Variants in ZNF311 observed in about 807,000 individuals in gnomAD.
ZNF311 encodes the protein zinc finger protein 311.
A neutral mutation model predicts 22.7 loss-of-function variants in ZNF311; 14 were observed. That is an observed-to-expected ratio of 0.62 (90% CI 0.41 to 0.96). The LOEUF (loss-of-function observed/expected upper bound fraction) is 0.96. Ranked by LOEUF, ZNF311 falls within the 40% of genes least tolerant of loss-of-function variation. The pLI, the probability that ZNF311 is intolerant of heterozygous loss-of-function variation, is 0.00. For missense variants in ZNF311, 731 were observed against 799.0 expected (o/e 0.91, Z 1.03); for synonymous variants, 250 against 275.3 (o/e 0.91, Z 0.91).
At chr6:29,003,764 G>T in intron 2 of ZNF311, 170 bp from the exon 3 acceptor site, 2 of 1,428,192 alleles carry the variant, frequency 1.4e-6, no homozygotes, top group Non-Finnish European at 1.9e-6. Context: ...ACTAGAAATG[G>T]CATCTACAAC....
chr6:29,001,623 G>C (rs987950448), intron 3 of ZNF311, among the ~76,000 whole-genome samples: 2 of 151,998 alleles, frequency 1.3e-5, no homozygotes, highest in Non-Finnish European at 2.9e-5. Flanking sequence ...CTCTCAATTG[G>C]ATGTTTTCAA....
chr6:28,999,484 T>C lies in ZNF311; in HGVS notation c.310+3A>G, dbSNP rs1164687749. Reference sequence around the variant, plus strand: ...AAGCATTAAGTGTAGGGAAGGTCCTTACCAAGTGATACCATGTTCCCATAA... The same window carrying C: ...AAGCATTAAGTGTAGGGAAGGTCCTCACCAAGTGATACCATGTTCCCATAA... On this transcript the variant is annotated splice_donor_region_variant and intron_variant, in intron 5 of 6. Coordinates refer to ENST00000377179, the MANE Select transcript of ZNF311 (RefSeq NM_001382360.1). 2 of 1,609,134 alleles carry C rather than the reference T, an allele frequency of 1.2e-6. No homozygotes were observed. Among genetic ancestry groups the C allele is most frequent in the South Asian group, 1.1e-5 (1 of 89,724 alleles).
intron 6 of ZNF311, among the ~76,000 whole-genome samples, chr6:28,997,194 G>A (rs1190927467): frequency 1.3e-5 from 2 of 152,204 alleles, no homozygotes; most frequent in Non-Finnish European, 2.9e-5. Flanking sequence ...AGAACTAGTG[G>A]TGGTGGGATG....
chr6:28,998,603 C>A, intron 6 of ZNF311, 131 bp downstream of exon 6: 1 of 618,236 alleles, frequency 1.6e-6, no homozygotes, highest in South Asian at 2.5e-5. Context: ...TTTCAATTTT[C>A]TTTTCCTTAA....
At chr6:29,000,580 A>T (rs559786609) in intron 3 of ZNF311, among the ~76,000 whole-genome samples, 5 of 152,228 alleles carry the variant, frequency 3.3e-5, no homozygotes, top group East Asian at 1.9e-4. Flanking sequence ...TTAGTTACAA[A>T]TTTTTTTCCT....
In ZNF311 at chr6:28,996,496, T is replaced by C. The variant is rs1410755817; in HGVS notation, c.506A>G (p.Asn169Ser). The C allele has an allele frequency of 1.2e-6, 2 of 1,607,680 alleles. No homozygotes were observed. The highest frequency in any genetic ancestry group is 1.7e-5 in the Admixed American group (1 of 60,012). The change falls in exon 7 of 7, where the codon AAC becomes AGC. Residue 169 changes from asparagine (N) to serine (S), a missense_variant. Coordinates refer to ENST00000377179, the MANE Select transcript of ZNF311 (RefSeq NM_001382360.1). Reference protein sequence around the residue: ...ENGEAYWMKFNSLLKVDSRDP... With the variant: ...ENGEAYWMKFSSLLKVDSRDP... ...CCGGGAATCAACTTTTAGGAGACTGTTAAATTTCATCCAGTAGGCTTCTCC... is the reference window on the plus strand; with the variant it reads ...CCGGGAATCAACTTTTAGGAGACTGCTAAATTTCATCCAGTAGGCTTCTCC...
intron 6 of ZNF311, 82 bp downstream of exon 6, chr6:28,998,652 G>T: frequency 9.3e-6 from 9 of 964,588 alleles, no homozygotes; most frequent in African/African-American, 1.7e-5. Context: ...CCTTCGACTG[G>T]ATGATCCACC....
chr6:29,003,975 A>G lies in ZNF311; in HGVS notation c.-21T>C. On this transcript the variant is annotated 5_prime_UTR_variant, in exon 2 of 7. Transcript: ENST00000377179. ...TGCATCTTTTTACTCAGGTTTCTTT[A>G]ACAGTCTTCCACTGCTGTCCTGGTT... is the stretch of plus-strand genomic sequence containing the variant. 2 of 1,612,798 alleles carry G rather than the reference A, an allele frequency of 1.2e-6. No homozygotes were observed. The highest frequency in any genetic ancestry group is 2.2e-5 in the South Asian group (2 of 91,074).
Position 28,995,649 on chromosome 6 carries a change from G to A in ZNF311, c.1353C>T (p.Asp451=). ...TGGTGAGTTCTGCCTTGATGCTGAA[G>A]TCTTTTCCACACTGGGGACACCCAT... ...KHYGCPQCGK[D]FSIKAELTKH... The change falls in exon 7 of 7, where the codon GAC becomes GAT. Residue 451 remains aspartate (D), a synonymous_variant. Transcript: ENST00000377179. The surrounding 1 kb of genome is among the most constrained non-coding windows in gnomAD (Gnocchi z 4.7). 6.2e-7 allele frequency: 1 copy of A among 1,613,474 alleles called. No individual in the cohort carries two copies. Among genetic ancestry groups the A allele is most frequent in the South Asian group, 1.1e-5 (1 of 91,084 alleles).
At position 28,996,357 on chromosome 6, in the gene ZNF311, G is replaced by A. The variant is rs1214734555; in HGVS notation, c.645C>T (p.Cys215=). The part of the protein sequence containing the change: ...EEKEGSEEVT[C]KKGKNQKVLS... ...GCACTTTCTGGTTCTTTCCTTTTTTGCAGGTCACTTCCTCAGAGCCTTCTT... is the reference window on the plus strand; with the variant it reads ...GCACTTTCTGGTTCTTTCCTTTTTTACAGGTCACTTCCTCAGAGCCTTCTT... The change falls in exon 7 of 7, where the codon TGC becomes TGT. Residue 215 remains cysteine, a synonymous_variant. Transcript: ENST00000377179. 6.2e-7 allele frequency: 1 copy of A among 1,611,726 alleles called. No homozygotes were observed. Among genetic ancestry groups the A allele is most frequent in the Non-Finnish European group, 8.5e-7 (1 of 1,179,880 alleles).
rs776963912 is a variant in ZNF311 at position 28,994,793 on chromosome 6, A to G, written c.*208T>C. The G allele has an allele frequency of 1.4e-5, 8 of 589,934 alleles. No homozygotes were observed. Among genetic ancestry groups the G allele is most frequent in the South Asian group, 2.8e-5 (1 of 35,466 alleles). The allele number at this position is 589,934 out of a possible 1,614,324, so 36.5% of individuals were successfully genotyped here. ...AGTGCCTAGAACACAGCAAGCACTA[A>G]TAAGTGTTTATTAATATTAGGAAGT... On this transcript the variant is annotated 3_prime_UTR_variant, in exon 7 of 7. Transcript: ENST00000377179.
intron 3 of ZNF311, among the ~76,000 whole-genome samples, chr6:29,000,355 G>A (rs9257452): frequency 0.097 from 14,811 of 152,152 alleles, 775 homozygotes; most frequent in South Asian, 0.15. Flanking sequence ...TGGTAAAAAG[G>A]CCCAAATCAC....
In ZNF311 at chr6:28,999,479, G is replaced by T; in HGVS notation, c.310+8C>A. The T allele has an allele frequency of 6.2e-7, 1 of 1,607,390 alleles. No individual in the cohort carries two copies. Among genetic ancestry groups the T allele is most frequent in the Non-Finnish European group, 8.5e-7 (1 of 1,177,876 alleles). On this transcript the variant is annotated splice_region_variant and intron_variant, in intron 5 of 6. Transcript: ENST00000377179. ...GTAGAAAGCATTAAGTGTAGGGAAG[G>T]TCCTTACCAAGTGATACCATGTTCC... is the stretch of plus-strand genomic sequence containing the variant.
chr6:29,005,565 G>C (rs1781085802), upstream of ZNF311, among the ~76,000 whole-genome samples: 1 of 152,056 alleles, frequency 6.6e-6, no homozygotes, highest in Admixed American at 6.5e-5. Flanking sequence ...CCAAGGCACA[G>C]ACCTTCCCGC....
rs371656599 is a variant in ZNF311, at chr6:28,999,549, T to C, written c.248A>G (p.Tyr83Cys). 4 of 1,613,718 alleles carry C rather than the reference T, an allele frequency of 2.5e-6. No homozygotes were observed. The highest frequency in any genetic ancestry group is 4.5e-5 in the East Asian group (2 of 44,884). Residue 83 changes from tyrosine to cysteine, a missense_variant, in exon 5 of 7, where the codon TAC becomes TGC. Physicochemically the swap from Tyr to Cys is radical, Grantham distance 194 (BLOSUM62 -2). Coordinates refer to ENST00000377179, the MANE Select transcript of ZNF311 (RefSeq NM_001382360.1). ...ATCCTTATAGAGATGCCTTTGAGCG[T>C]AGGTCAGACACTGCCACTCCCTGTT... The part of the protein sequence containing the change: ...FTNREWQCLT[Y>C]AQRHLYKDVM...
At chr6:29,000,127 A>G in intron 3 of ZNF311, 80 bp from the exon 4 acceptor site, 2 of 1,340,282 alleles carry the variant, frequency 1.5e-6, no homozygotes, top group Non-Finnish European at 2.1e-6. Flanking sequence ...TCTTCCTCAA[A>G]TGTAGAAGCT....
rs768221808 is a variant in ZNF311, at chr6:28,995,680, T to C, written c.1322A>G (p.Lys441Arg). ...TCCACACTGGGGACACCCATAGTGT[T>C]TCTCCCGAGTATGGATTCGTTTGTG... ...SKHKRIHTRE[K>R]HYGCPQCGKD... is the part of the protein sequence containing the mutation. The change falls in exon 7 of 7, where the codon AAA becomes AGA. Residue 441 changes from lysine (K) to arginine (R), a missense_variant. Lys to Arg is a conservative substitution (Grantham distance 26). Transcript: ENST00000377179. This position sits in a 1 kb window ranked among gnomAD's most constrained non-coding sequence, Gnocchi z 4.7. The C allele has an allele frequency of 2.5e-6, 4 of 1,613,510 alleles. No individual in the cohort carries two copies. The highest frequency in any genetic ancestry group is 1.7e-5 in the Admixed American group (1 of 59,998).
rs1779366372 is a variant in ZNF311 at position 28,995,505 on chromosome 6, A to G, written c.1497T>C (p.Tyr499=). ...AGGTTTTCCCACAATCCCTGCATTG[A>G]TAGGGCTTCTCCCCTGTATGCTCTC... ...HEREHTGEKP[Y]QCRDCGKTFQ... Residue 499 remains tyrosine, a synonymous_variant, in exon 7 of 7, where the codon TAT becomes TAC. Coordinates refer to ENST00000377179, the MANE Select transcript of ZNF311 (RefSeq NM_001382360.1). The surrounding 1 kb of genome is among the most constrained non-coding windows in gnomAD (Gnocchi z 4.7). 6.2e-7 allele frequency: 1 copy of G among 1,612,942 alleles called. No homozygotes were observed. Among genetic ancestry groups the G allele is most frequent in the Non-Finnish European group, 8.5e-7 (1 of 1,179,564 alleles).
intron 4 of ZNF311, 58 bp downstream of exon 4, chr6:28,999,898 G>C (rs1450042069): frequency 1.9e-6 from 3 of 1,541,718 alleles, no homozygotes; most frequent in African/African-American, 2.7e-5. Context: ...TGAAAACAAG[G>C]CCATATTTTG....
Sources: gnomAD v4.1 joint callset for allele counts (sites outside exome capture counted in the v4.1 genomes callset) on GRCh38, gnomAD v4.1.1 for gene constraint, Gnocchi (gnomAD v3.1) non-coding constraint, MANE v1.5 for transcripts, NCBI Gene and HGNC (gene_info 2026-07-23, HGNC 2026-07-21) for gene names.